Variants in CRYL1 observed in about 807,000 individuals in gnomAD.
CRYL1 encodes the protein crystallin lambda 1, also known as lambda-crystallin homolog.
Under a neutral mutation model 36.6 loss-of-function variants are expected in CRYL1, and 29 were observed. That is an observed-to-expected ratio of 0.79 (90% CI 0.59 to 1.08). The LOEUF is 1.08. Ranked by LOEUF, CRYL1 falls within the 50% of genes least tolerant of loss-of-function variation. The probability of loss-of-function intolerance (pLI) is 0.00; values close to 1 mark genes in which losing one functional copy is unlikely to be tolerated. For missense variants in CRYL1, 411 were observed against 407.9 expected (o/e 1.01, Z -0.06); for synonymous variants, 152 against 151.5 (o/e 1.00, Z -0.02).
intron 1 of CRYL1, among the ~76,000 whole-genome samples, chr13:20,516,354 G>A (rs1405803355): frequency 6.6e-6 from 1 of 152,140 alleles, no homozygotes; most frequent in African/African-American, 2.4e-5. Context: ...CCCACCAGAA[G>A]GCAACTGGGC....
Position 20,435,667 on chromosome 13 carries a change from G to A in CRYL1, c.439-3371C>T, listed in dbSNP as rs965738985. 1.5e-4 allele frequency among the ~76,000 whole-genome samples: 23 copies of A among 152,188 alleles called. No homozygotes were observed. Among genetic ancestry groups the A allele is most frequent in the African/African-American group, 4.1e-4 (17 of 41,458 alleles). ...GGACTCGGAAACACGCCCCCGAAAG[G>A]GTTCGACAGATACAACGGCAGCGCA... is the stretch of plus-strand genomic sequence containing the variant. On this transcript the variant is annotated intron_variant, in intron 4 of 7. Coordinates refer to ENST00000298248, the MANE Select transcript of CRYL1 (RefSeq NM_015974.3). This position sits in a 1 kb window ranked among gnomAD's most constrained non-coding sequence, Gnocchi z 4.0.
At chr13:20,431,157 CTG>C in intron 5 of CRYL1, 6 of 985,446 alleles carry the variant, frequency 6.1e-6, no homozygotes, top group Non-Finnish European at 7.2e-6. Context: ...TTTGGAAGAA[CTG>C]CTGGGAAATT....
chr13:20,468,419 A>T (rs1488527926), intron 3 of CRYL1, among the ~76,000 whole-genome samples: 1 of 151,982 alleles, frequency 6.6e-6, no homozygotes, highest in African/African-American at 2.4e-5. Context: ...ATGCCACCAC[A>T]CTCAGCTCAA....
At position 20,516,060 on chromosome 13, in the gene CRYL1, G is replaced by A. The variant is rs1032641218; in HGVS notation, c.42-3510C>T. On this transcript the variant is annotated intron_variant, in intron 1 of 7. Transcript: ENST00000298248. ...TACAAAATTAGCCAGGTATGGTGGC[G>A]GGCACCTGTAATCCCAGCTACTCAG... is the stretch of plus-strand genomic sequence containing the variant. Among the ~76,000 whole-genome samples, 69 of 151,730 alleles carry A rather than the reference G, an allele frequency of 4.5e-4. 2 individuals are homozygous for A. Among genetic ancestry groups the A allele is most frequent in the Admixed American group, 4.2e-3 (64 of 15,218 alleles).
chr13:20,447,823 C>G (rs1461335673), intron 3 of CRYL1, among the ~76,000 whole-genome samples: 1 of 152,100 alleles, frequency 6.6e-6, no homozygotes, highest in African/African-American at 2.4e-5. Flanking sequence ...ATTCAAATGC[C>G]CACAATGAAA....
intron 5 of CRYL1, among the ~76,000 whole-genome samples, chr13:20,423,766 G>A (rs1326615443): frequency 7.1e-6 from 1 of 141,582 alleles, no homozygotes; most frequent in Non-Finnish European, 1.5e-5. Flanking sequence ...TGGGGGTGTG[G>A]GTTCTTTTTT....
chr13:20,460,973 C>T (rs2032806267), intron 3 of CRYL1, among the ~76,000 whole-genome samples: 3 of 152,086 alleles, frequency 2.0e-5, no homozygotes, highest in Admixed American at 1.3e-4. Context: ...CCCAGCGGCG[C>T]CCTCCCCTGG....
intron 6 of CRYL1, among the ~76,000 whole-genome samples, chr13:20,408,547 G>A (rs1565954605): frequency 1.3e-5 from 2 of 152,088 alleles, no homozygotes; most frequent in Admixed American, 6.5e-5. Flanking sequence ...AAACAAACCC[G>A]GCTGGGAAAC....
At chr13:20,440,650 A>G (rs9550649) in intron 3 of CRYL1, among the ~76,000 whole-genome samples, 55,722 of 152,038 alleles carry the variant, frequency 0.37, 11,015 homozygotes, top group African/African-American at 0.51. Flanking sequence ...TGCTTTGACC[A>G]TCAGATCAAC....
intron 6 of CRYL1, among the ~76,000 whole-genome samples, chr13:20,408,012 G>A (rs913346011): frequency 1.3e-5 from 2 of 152,168 alleles, no homozygotes; most frequent in Non-Finnish European, 1.5e-5. Context: ...TGGGAAGTCC[G>A]GTTTTCTTTC....
intron 1 of CRYL1, among the ~76,000 whole-genome samples, chr13:20,522,911 CTTT>C (rs386378385): frequency 1.7e-3 from 142 of 82,938 alleles, no homozygotes; most frequent in African/African-American, 5.7e-3. Flanking sequence ...CCCATTTCTA[CTTT>C]TTTTTTTTTT....
At chr13:20,444,016 C>T (rs2032402749) in intron 3 of CRYL1, among the ~76,000 whole-genome samples, 27 of 152,134 alleles carry the variant, frequency 1.8e-4, no homozygotes, top group Admixed American at 1.8e-3. Flanking sequence ...TAATTAACAC[C>T]CCAGTTTCTC....
intron 3 of CRYL1, among the ~76,000 whole-genome samples, chr13:20,458,799 A>G (rs2032739917): frequency 6.6e-6 from 1 of 152,226 alleles, no homozygotes; most frequent in South Asian, 2.1e-4. Context: ...TCTGGTGCCA[A>G]AGCAGTCAGC....
chr13:20,408,554 A>T (rs2031438946), intron 6 of CRYL1, among the ~76,000 whole-genome samples: 1 of 152,210 alleles, frequency 6.6e-6, no homozygotes. Flanking sequence ...CCCGGCTGGG[A>T]AACTCTAGGT....
In CRYL1 at chr13:20,450,978, G is replaced by A. The variant is rs767462957; in HGVS notation, c.277-11224C>T. On this transcript the variant is annotated intron_variant, in intron 3 of 7. Coordinates refer to ENST00000298248, the MANE Select transcript of CRYL1 (RefSeq NM_015974.3). ...TCGCAAGGACAGAAAACCAAACACT[G>A]CACATTATCACTCATAGATGAGAAC... Among the ~76,000 whole-genome samples the A allele has an allele frequency of 4.7e-5, 7 of 148,814 alleles. No homozygotes were observed. The South Asian group carries it at 1.3e-3, about 27-fold the overall frequency.
At chr13:20,504,818 A>G (rs2033764498) in intron 2 of CRYL1, among the ~76,000 whole-genome samples, 1 of 152,164 alleles carries the variant, frequency 6.6e-6, no homozygotes, top group African/African-American at 2.4e-5. Context: ...TTGTTTTTCA[A>G]GTTCACTAAG....
chr13:20,483,444 A>AC (rs1228671617), intron 3 of CRYL1, among the ~76,000 whole-genome samples: 1 of 151,558 alleles, frequency 6.6e-6, no homozygotes, highest in Non-Finnish European at 1.5e-5. Flanking sequence ...ATCTGGACTG[A>AC]CCATATCATC....
chr13:20,459,630 A>G (rs2032766489), intron 3 of CRYL1, among the ~76,000 whole-genome samples: 1 of 152,238 alleles, frequency 6.6e-6, no homozygotes, highest in South Asian at 2.1e-4. Flanking sequence ...GTTCTCACTT[A>G]TAAGTGAAAT....
At chr13:20,475,220 C>T (rs1337307506) in intron 3 of CRYL1, among the ~76,000 whole-genome samples, 3 of 152,158 alleles carry the variant, frequency 2.0e-5, no homozygotes, top group Non-Finnish European at 4.4e-5. Flanking sequence ...CCCGCATTCC[C>T]AGACCCCATC....
Sources: allele counts gnomAD v4.1 joint callset (sites outside exome capture counted in the v4.1 genomes callset), GRCh38; gene constraint gnomAD v4.1.1; non-coding constraint Gnocchi (gnomAD v3.1); transcripts MANE v1.5; gene names NCBI Gene and HGNC (gene_info 2026-07-23, HGNC 2026-07-21).